Variants in TARM1 observed in about 807,000 individuals in gnomAD.
The protein encoded by TARM1 is T-cell-interacting, activating receptor on myeloid cells protein 1.
TARM1 carries 24 observed loss-of-function variants against 30.4 expected under a neutral mutation model. The ratio of observed to expected loss-of-function variants is 0.79; its 90% CI spans 0.57 to 1.11. The LOEUF is 1.11. TARM1 is among the 50% of genes least tolerant of loss of function. TARM1 has a pLI of 0.00. For missense variants in TARM1, 323 were observed against 332.8 expected (o/e 0.97, Z 0.23); for synonymous variants, 129 against 138.9 (o/e 0.93, Z 0.50).
In TARM1 at chr19:54,074,853, T is replaced by C. The variant is rs80087697; in HGVS notation, c.332A>G (p.His111Arg). The C allele has an allele frequency of 0.94, 1,460,050 of 1,551,502 alleles. 687,460 individuals carry two copies. Among genetic ancestry groups the C allele is most frequent in the Middle Eastern group, 0.99 (5,951 of 5,992 alleles). The change falls in exon 3 of 5, where the codon CAC becomes CGC. Residue 111 changes from histidine to arginine, a missense_variant. By Grantham distance (29) the His-to-Arg change is conservative. Transcript: ENST00000432826. ...CACCAACAGTAGAAGGACGTCACTG[T>C]GCTGTGAAAGGATGTGGGGGGATGC... ...RKASPHILSQ[H>R]SDVLLLLVTG...
chr19:54,074,054 G>C lies in TARM1; in HGVS notation c.524C>G (p.Ala175Gly), dbSNP rs772139665. The C allele has an allele frequency of 1.3e-6, 2 of 1,551,502 alleles. No homozygotes were observed. Among genetic ancestry groups the C allele is most frequent in the Admixed American group, 3.9e-5 (2 of 50,952 alleles). The change falls in exon 4 of 5, where the codon GCG becomes GGG. Residue 175 changes from alanine to glycine, a missense_variant. By Grantham distance (60) the Ala-to-Gly change is moderately conservative (BLOSUM62 0). Transcript: ENST00000432826. Reference protein sequence around the residue: ...TPSPIQLQSPAGKEIDFSLVD... With the variant: ...TPSPIQLQSPGGKEIDFSLVD... ...CAGAGAGAAGTCTATCTCCTTCCCCGCTGGACTCTGCAGCTGGATGGGTGA... is the reference window on the plus strand; with the variant it reads ...CAGAGAGAAGTCTATCTCCTTCCCCCCTGGACTCTGCAGCTGGATGGGTGA...
intron 1 of TARM1, among the ~76,000 whole-genome samples, chr19:54,077,486 C>A (rs2071985719): frequency 6.6e-6 from 1 of 152,038 alleles, no homozygotes; most frequent in Non-Finnish European, 1.5e-5. Context: ...GTTAGTTAGG[C>A]CTGTGTCTCT....
chr19:54,070,711 C>A (rs1447466855), intron 4 of TARM1, among the ~76,000 whole-genome samples: 1 of 151,752 alleles, frequency 6.6e-6, no homozygotes. Context: ...CTCCCGGGTT[C>A]AAGTGATTCT....
At chr19:54,076,159 GC>G (rs2071945166) in intron 1 of TARM1, 1 of 1,492,128 alleles carries the variant, frequency 6.7e-7, no homozygotes, top group East Asian at 2.5e-5. Context: ...CCTGCTCCAG[GC>G]CTTTCCCACA....
At chr19:54,072,301 G>A (rs940845744) in intron 4 of TARM1, among the ~76,000 whole-genome samples, 13 of 152,046 alleles carry the variant, frequency 8.6e-5, no homozygotes, top group African/African-American at 2.7e-4. Context: ...CCAGGCACCC[G>A]GCAAGAGCTG....
chr19:54,078,646 C>A (rs111763760), intron 1 of TARM1, among the ~76,000 whole-genome samples: 1 of 148,506 alleles, frequency 6.7e-6, no homozygotes, highest in African/African-American at 2.5e-5. Flanking sequence ...GGATTACAGG[C>A]GTGAGCCACC....
intron 1 of TARM1, among the ~76,000 whole-genome samples, chr19:54,080,243 G>A (rs1484048373): frequency 1.3e-5 from 2 of 151,330 alleles, no homozygotes; most frequent in South Asian, 2.1e-4. Flanking sequence ...TTGGGAGGCC[G>A]AGGCGGGCAG....
chr19:54,070,230 T>C, intron 4 of TARM1, 70 bp from the exon 5 acceptor site: 1 of 1,499,192 alleles, frequency 6.7e-7, no homozygotes, highest in Non-Finnish European at 8.9e-7. Flanking sequence ...CCCCACCAAA[T>C]CTGACTATCA....
chr19:54,080,899 G>A (rs1437209079), intron 1 of TARM1, among the ~76,000 whole-genome samples: 1 of 152,042 alleles, frequency 6.6e-6, no homozygotes, highest in Non-Finnish European at 1.5e-5. Flanking sequence ...TTGAACCCGG[G>A]AGGCAGAGGT....
intron 1 of TARM1, 132 bp from the exon 2 acceptor site, chr19:54,076,050 C>A: frequency 7.0e-7 from 1 of 1,435,864 alleles, no homozygotes; most frequent in Non-Finnish European, 9.3e-7. Flanking sequence ...CAGGAGTTCT[C>A]ATTCTCCCCA....
At chr19:54,076,344 T>TTCATTCATTCTTTCTG in intron 1 of TARM1, 1 of 852,092 alleles carries the variant, frequency 1.2e-6, no homozygotes, top group Non-Finnish European at 1.8e-6. Context: ...CTTTCTTTCT[T>TTCATTCATTCTTTCTG]TCTTTCATTC....
chr19:54,078,613 A>T (rs967676892), intron 1 of TARM1, among the ~76,000 whole-genome samples: 1 of 151,468 alleles, frequency 6.6e-6, no homozygotes, highest in Non-Finnish European at 1.5e-5. Flanking sequence ...TCCTTACGTC[A>T]GGTCATTGCA....
chr19:54,072,389 T>C (rs1568501052), intron 4 of TARM1, among the ~76,000 whole-genome samples: 1 of 152,086 alleles, frequency 6.6e-6, no homozygotes. Flanking sequence ...TAGCACCCAG[T>C]AAGGCAGGAA....
chr19:54,072,391 A>G (rs587711151), intron 4 of TARM1, among the ~76,000 whole-genome samples: 1 of 152,316 alleles, frequency 6.6e-6, no homozygotes, highest in South Asian at 2.1e-4. Flanking sequence ...GCACCCAGTA[A>G]GGCAGGAAAC....
At chr19:54,076,326 T>TTATC in intron 1 of TARM1, 3 of 562,040 alleles carry the variant, frequency 5.3e-6, no homozygotes, top group Non-Finnish European at 9.0e-6. Context: ...CTTTCTTTCT[T>TTATC]TTTCTTTCTT....
rs2071943926 is a variant in TARM1 at position 54,076,095 on chromosome 19, C to T, written c.35-177G>A. ...GTGGCTTCTGCTCGACTTCCAGCTC[C>T]TCCATCCTTTCCCAGAGATTCTCCT... On this transcript the variant is annotated intron_variant, in intron 1 of 4. Transcript: ENST00000432826. 7.5e-6 allele frequency: 11 copies of T among 1,461,270 alleles called. No individual in the cohort carries two copies. The South Asian group carries it at 1.4e-4, about 18-fold the overall frequency. 90.5% of individuals were successfully genotyped at this position (1,461,270 alleles called of 1,614,324 possible).
chr19:54,071,328 A>T, intron 4 of TARM1, among the ~76,000 whole-genome samples: 1 of 152,050 alleles, frequency 6.6e-6, no homozygotes, highest in East Asian at 1.9e-4. Flanking sequence ...ACTCCACCTT[A>T]GCTCTCTTCC....
At chr19:54,073,699 G>A (rs2071869695) in intron 4 of TARM1, among the ~76,000 whole-genome samples, 2 of 151,888 alleles carry the variant, frequency 1.3e-5, no homozygotes, top group African/African-American at 2.4e-5. Flanking sequence ...CACTATGTTG[G>A]CCAGGCTGGT....
intron 1 of TARM1, chr19:54,076,200 A>G (rs2071945745): frequency 6.6e-6 from 10 of 1,509,506 alleles, no homozygotes; most frequent in Middle Eastern, 3.4e-4. Flanking sequence ...TCTGTTTGAA[A>G]ACAGCACTCA....
Sources: gnomAD v4.1 joint callset for allele counts (sites outside exome capture counted in the v4.1 genomes callset) on GRCh38, gnomAD v4.1.1 for gene constraint, MANE v1.5 for transcripts, NCBI Gene and HGNC (gene_info 2026-07-23, HGNC 2026-07-21) for gene names.